LRRC4C: variants seen among roughly 807,000 people sequenced by gnomAD.
LRRC4C encodes leucine rich repeat containing 4C, also known as leucine-rich repeat-containing protein 4C.
Under a neutral mutation model 33.6 loss-of-function variants are expected in LRRC4C, and 5 were observed. The ratio of observed to expected loss-of-function variants is 0.15; its 90% CI spans 0.08 to 0.31. LRRC4C has a LOEUF of 0.31. Ranked by LOEUF, LRRC4C falls within the 10% of genes least tolerant of loss-of-function variation. The pLI is 1.00. For missense variants in LRRC4C, 560 were observed against 796.7 expected (o/e 0.70, Z 3.58); for synonymous variants, 329 against 302.0 (o/e 1.09, Z -0.93).
intron 3 of LRRC4C, among the ~76,000 whole-genome samples, chr11:40,607,718 C>T (rs1005632337): frequency 3.3e-5 from 5 of 152,160 alleles, no homozygotes; most frequent in Non-Finnish European, 7.4e-5. Context: ...GGACAAAAAC[C>T]TTGGGATGCA....
Position 40,608,949 on chromosome 11 carries a change from G to A in LRRC4C, c.-270+39193C>T, listed in dbSNP as rs1351094766. On this transcript the variant is annotated intron_variant, in intron 3 of 6. Transcript: ENST00000528697. Reference sequence around the variant, plus strand: ...GAAGGAATCATTGACGGAACTGACAGGAGAAACAGAGAGCAACACAATCAT... The same window carrying A: ...GAAGGAATCATTGACGGAACTGACAAGAGAAACAGAGAGCAACACAATCAT... 2.0e-5 allele frequency among the ~76,000 whole-genome samples: 3 copies of A among 152,168 alleles called. No homozygotes were observed. In the East Asian group the frequency reaches 5.8e-4, roughly 29 times the overall value.
intron 5 of LRRC4C, among the ~76,000 whole-genome samples, chr11:40,182,531 A>G (rs1307244940): frequency 6.6e-6 from 1 of 152,216 alleles, no homozygotes; most frequent in Non-Finnish European, 1.5e-5. Context: ...AAAACTTCTT[A>G]TTTTAGAATT....
chr11:40,900,661 A>G (rs889840994), intron 2 of LRRC4C, among the ~76,000 whole-genome samples: 10 of 151,716 alleles, frequency 6.6e-5, no homozygotes, highest in African/African-American at 2.4e-4. Context: ...GAACTATATC[A>G]ATATCAACAC....
At chr11:40,431,790 A>G (rs1018282566) in intron 3 of LRRC4C, among the ~76,000 whole-genome samples, 5 of 152,186 alleles carry the variant, frequency 3.3e-5, no homozygotes, top group African/African-American at 7.2e-5. Flanking sequence ...TGTGATGTCC[A>G]TTTTGCAATG....
At chr11:40,951,921 G>A (rs574935046) in intron 1 of LRRC4C, among the ~76,000 whole-genome samples, 5 of 151,950 alleles carry the variant, frequency 3.3e-5, no homozygotes, top group African/African-American at 1.2e-4. Context: ...TAAGCCTGGG[G>A]TAGACAATTT....
intron 6 of LRRC4C, 57 bp from the exon 7 acceptor site, chr11:40,116,391 T>C: frequency 6.7e-7 from 1 of 1,490,936 alleles, no homozygotes. Context: ...CTAAGTGTCT[T>C]TCTGGAGTAA....
At chr11:40,872,257 G>A (rs903173359) in intron 2 of LRRC4C, among the ~76,000 whole-genome samples, 1 of 151,340 alleles carries the variant, frequency 6.6e-6, no homozygotes, top group African/African-American at 2.4e-5. Context: ...GAGATCCAGT[G>A]TACCTTTGGG....
At chr11:40,894,328 G>A (rs568584859) in intron 2 of LRRC4C, among the ~76,000 whole-genome samples, 257 of 152,112 alleles carry the variant, frequency 1.7e-3, no homozygotes, top group Non-Finnish European at 2.6e-3. Context: ...TTTTTATAAA[G>A]CAGCAAAGGA....
chr11:40,695,085 G>A (rs931959988), intron 2 of LRRC4C, among the ~76,000 whole-genome samples: 1 of 151,814 alleles, frequency 6.6e-6, no homozygotes, highest in Non-Finnish European at 1.5e-5. Context: ...CTCCCCATTT[G>A]AATAACTGAT....
chr11:40,668,424 G>A (rs75790614), intron 2 of LRRC4C, among the ~76,000 whole-genome samples: 46 of 152,228 alleles, frequency 3.0e-4, no homozygotes, highest in Non-Finnish European at 5.7e-4. Flanking sequence ...CATAAAAAAT[G>A]CAAACACAAA....
intron 2 of LRRC4C, among the ~76,000 whole-genome samples, chr11:40,876,706 CTT>C (rs1455532589): frequency 5.9e-5 from 9 of 151,874 alleles, no homozygotes; most frequent in African/African-American, 9.7e-5. Flanking sequence ...AGATTGAGAC[CTT>C]ACTGGCCAAC....
At chr11:40,211,061 G>A (rs1279218819) in intron 5 of LRRC4C, among the ~76,000 whole-genome samples, 1 of 152,148 alleles carries the variant, frequency 6.6e-6, no homozygotes, top group Non-Finnish European at 1.5e-5. Flanking sequence ...ACAGGCCTGA[G>A]CAACTGCTCC....
At chr11:41,367,108 G>C (rs1005440400) in intron 1 of LRRC4C, among the ~76,000 whole-genome samples, 2 of 152,122 alleles carry the variant, frequency 1.3e-5, no homozygotes, top group Admixed American at 6.6e-5. Context: ...CACAGGGAAG[G>C]TGCCTTTATA....
chr11:40,509,390 A>T lies in LRRC4C; in HGVS notation c.-270+138752T>A, dbSNP rs550139991. 1.6e-4 allele frequency among the ~76,000 whole-genome samples: 25 copies of T among 152,322 alleles called. No individual in the cohort carries two copies. The South Asian group carries it at 5.2e-3, about 32-fold the overall frequency. On this transcript the variant is annotated intron_variant, in intron 3 of 6. Coordinates refer to ENST00000528697, the MANE Select transcript of LRRC4C (RefSeq NM_001258419.2). ...ATCATGGATACAGTTTATCTTCTAC[A>T]TGATTCTCTTTTCCAAATTTAAATT...
At chr11:40,382,621 A>G (rs572792721) in intron 3 of LRRC4C, among the ~76,000 whole-genome samples, 3 of 150,082 alleles carry the variant, frequency 2.0e-5, no homozygotes, top group Non-Finnish European at 4.4e-5. Flanking sequence ...ATTGCTTGCT[A>G]TAGGTAGTAG....
rs1013428376 is a variant in LRRC4C at position 41,425,298 on chromosome 11, G to T, written c.-496+34133C>A. Among the ~76,000 whole-genome samples, 21 of 152,152 alleles carry T rather than the reference G, an allele frequency of 1.4e-4. No homozygotes were observed. In the South Asian group the frequency reaches 2.1e-3, roughly 15 times the overall value. ...AGGAGTTCCCAGAGAGGTGTGAAGG[G>T]CAGGGGAAGGGCCAAAATCAAATTG... On this transcript the variant is annotated intron_variant, in intron 1 of 6. Transcript: ENST00000528697.
intron 1 of LRRC4C, among the ~76,000 whole-genome samples, chr11:41,062,883 C>A (rs1036739422): frequency 1.4e-4 from 21 of 152,114 alleles, no homozygotes; most frequent in African/African-American, 4.8e-4. Context: ...TGGAATCATG[C>A]TGCCAGAAAC....
chr11:40,671,001 G>A (rs946839957), intron 2 of LRRC4C, among the ~76,000 whole-genome samples: 1 of 152,180 alleles, frequency 6.6e-6, no homozygotes, highest in Admixed American at 6.5e-5. Flanking sequence ...CTGACCTCGT[G>A]ATCCGCCCGC....
At chr11:41,230,922 A>AC (rs978085070) in intron 1 of LRRC4C, among the ~76,000 whole-genome samples, 1 of 151,312 alleles carries the variant, frequency 6.6e-6, no homozygotes. Flanking sequence ...AAAAAAAAAA[A>AC]ACCAAACAAC....
Sources: allele counts gnomAD v4.1 joint callset (sites outside exome capture counted in the v4.1 genomes callset), GRCh38; gene constraint gnomAD v4.1.1; transcripts MANE v1.5; gene names NCBI Gene and HGNC (gene_info 2026-07-23, HGNC 2026-07-21).